The following SOX6 variants were observed in gnomAD, a reference collection of about 807,000 sequenced individuals.
SOX6 encodes the protein transcription factor SOX-6.
A neutral mutation model predicts 97.8 loss-of-function variants in SOX6; 11 were observed. That is an observed-to-expected ratio of 0.11 (90% CI 0.07 to 0.19). SOX6 has a LOEUF of 0.19. Ranked by LOEUF, SOX6 falls within the 10% of genes least tolerant of loss-of-function variation. The pLI is 1.00. For synonymous variants in SOX6, 360 were observed against 371.4 expected, an observed-to-expected ratio of 0.97 and a Z score of 0.35; for missense variants, 810 against 1,039.5, an observed-to-expected ratio of 0.78 and a Z score of 3.04.
chr11:16,230,362 A>G (rs1001644176), intron 4 of SOX6, among the ~76,000 whole-genome samples: 14 of 151,898 alleles, frequency 9.2e-5, no homozygotes, highest in African/African-American at 3.1e-4. Context: ...AACTACCAAA[A>G]AGGAAGAGAA....
intron 9 of SOX6, among the ~76,000 whole-genome samples, chr11:16,083,567 G>A (rs1201824665): frequency 2.6e-5 from 4 of 152,018 alleles, no homozygotes; most frequent in African/African-American, 9.7e-5. Context: ...CTGTCCTCTT[G>A]GCCAATTCAG....
chr11:16,033,526 A>C (rs968925910), intron 12 of SOX6, among the ~76,000 whole-genome samples: 10 of 152,180 alleles, frequency 6.6e-5, no homozygotes, highest in African/African-American at 2.4e-4. Context: ...GTGGTCTGGA[A>C]TAAGAAAGGC....
chr11:16,113,061 T>C (rs1368579034), intron 6 of SOX6, among the ~76,000 whole-genome samples: 2 of 152,154 alleles, frequency 1.3e-5, no homozygotes, highest in African/African-American at 2.4e-5. Flanking sequence ...ATCTTCTCTT[T>C]AGGCAAAATT....
At chr11:16,682,964 T>C (rs1008611912) in intron 3 of SOX6, among the ~76,000 whole-genome samples, 2 of 152,168 alleles carry the variant, frequency 1.3e-5, no homozygotes, top group East Asian at 1.9e-4. Context: ...AGCCAAACCA[T>C]GAGTGAACTC....
At chr11:16,104,084 C>G (rs1476126629) in intron 7 of SOX6, among the ~76,000 whole-genome samples, 1 of 151,942 alleles carries the variant, frequency 6.6e-6, no homozygotes, top group Non-Finnish European at 1.5e-5. Flanking sequence ...GAGGAGAACA[C>G]AGTTAAGATT....
Position 16,133,748 on chromosome 11 carries a change from G to A in SOX6, c.778-21825C>T, listed in dbSNP as rs139918198. 1.5e-3 allele frequency among the ~76,000 whole-genome samples: 228 copies of A among 152,252 alleles called. 1 individual carries two copies. The highest frequency in any genetic ancestry group is 5.1e-3 in the African/African-American group (211 of 41,566). The stretch of plus-strand genomic sequence containing the variant: ...CTGTTGCCCAGGCTGGAGTGCAATG[G>A]TGTGATCTTGGCTCATTGCAACCTC... On this transcript the variant is annotated intron_variant, in intron 6 of 15. Coordinates refer to ENST00000683767, the MANE Select transcript of SOX6 (RefSeq NM_001367873.1).
chr11:16,238,446 G>A (rs1408095449), intron 3 of SOX6, among the ~76,000 whole-genome samples: 1 of 151,982 alleles, frequency 6.6e-6, no homozygotes, highest in Non-Finnish European at 1.5e-5. Flanking sequence ...GCTGAGTAAT[G>A]TTTTCGCTAA....
At chr11:16,026,753 C>T (rs1855225742) in intron 12 of SOX6, among the ~76,000 whole-genome samples, 1 of 151,996 alleles carries the variant, frequency 6.6e-6, no homozygotes. Context: ...TAACCCAGGA[C>T]TATGTCTGAT....
chr11:16,277,188 T>A (rs540831074), intron 3 of SOX6, among the ~76,000 whole-genome samples: 2 of 152,190 alleles, frequency 1.3e-5, no homozygotes, highest in South Asian at 4.1e-4. Flanking sequence ...TAAGTGATGG[T>A]ATCTGGAGAC....
chr11:16,289,845 A>G (rs115949873), intron 3 of SOX6, among the ~76,000 whole-genome samples: 251 of 152,146 alleles, frequency 1.6e-3, no homozygotes, highest in African/African-American at 5.9e-3. Flanking sequence ...GCTACGTCAC[A>G]AAGAATACCA....
At chr11:15,980,638 T>A (rs1853627494) in intron 15 of SOX6, among the ~76,000 whole-genome samples, 1 of 151,994 alleles carries the variant, frequency 6.6e-6, no homozygotes, top group African/African-American at 2.4e-5. Context: ...TTTTTTACTA[T>A]TGAATATATC....
chr11:16,403,473 G>A (rs1196334243), intron 1 of SOX6, among the ~76,000 whole-genome samples: 1 of 151,710 alleles, frequency 6.6e-6, no homozygotes, highest in Non-Finnish European at 1.5e-5. Context: ...CATAAAAGGC[G>A]ATTGTCTGGA....
intron 4 of SOX6, among the ~76,000 whole-genome samples, chr11:16,592,279 T>G (rs1042599562): frequency 6.7e-6 from 1 of 149,378 alleles, no homozygotes; most frequent in Non-Finnish European, 1.5e-5. Flanking sequence ...ACCAGCAATA[T>G]TCTCCAGCTG....
At chr11:16,345,411 A>G (rs908868655) in intron 1 of SOX6, among the ~76,000 whole-genome samples, 7 of 152,132 alleles carry the variant, frequency 4.6e-5, no homozygotes, top group African/African-American at 1.7e-4. Context: ...CCAGGATGCC[A>G]GGCCATTGGG....
At chr11:16,524,129 G>A (rs1861116989) in intron 4 of SOX6, among the ~76,000 whole-genome samples, 1 of 152,180 alleles carries the variant, frequency 6.6e-6, no homozygotes, top group South Asian at 2.1e-4. Context: ...CTCATTTTAT[G>A]AGGACAGCAT....
intron 1 of SOX6, among the ~76,000 whole-genome samples, chr11:16,433,170 T>A (rs1384304834): frequency 6.6e-6 from 1 of 152,064 alleles, no homozygotes; most frequent in Non-Finnish European, 1.5e-5. Context: ...AGAGGTAATA[T>A]TCTTGTCCTT....
intron 3 of SOX6, among the ~76,000 whole-genome samples, chr11:16,686,955 G>A (rs753651853): frequency 1.2e-4 from 18 of 151,468 alleles, no homozygotes; most frequent in African/African-American, 2.4e-4. Context: ...AGAGTGAAAC[G>A]ATGTCTCACA....
chr11:16,055,699 T>C (rs1590164552), intron 10 of SOX6, 53 bp downstream of exon 10: 5 of 1,611,532 alleles, frequency 3.1e-6, no homozygotes, highest in Non-Finnish European at 4.2e-6. Context: ...TCACTATCTT[T>C]CTTGTGAAAC....
At chr11:16,294,129 G>T (rs1002485898) in intron 3 of SOX6, among the ~76,000 whole-genome samples, 1 of 151,882 alleles carries the variant, frequency 6.6e-6, no homozygotes, top group African/African-American at 2.4e-5. Context: ...TTTCTTAAAT[G>T]ATTTTCAAAT....
Sources: gnomAD v4.1 joint callset for allele counts (sites outside exome capture counted in the v4.1 genomes callset) on GRCh38, gnomAD v4.1.1 for gene constraint, MANE v1.5 for transcripts, NCBI Gene and HGNC (gene_info 2026-07-23, HGNC 2026-07-21) for gene names.